Variants in DOCK1 observed in about 807,000 individuals in gnomAD.
DOCK1 encodes the protein dedicator of cytokinesis protein 1.
Under a neutral mutation model 262.7 loss-of-function variants are expected in DOCK1, and 138 were observed. The observed-to-expected ratio is 0.53, with a 90% CI of 0.46 to 0.61. The LOEUF (loss-of-function observed/expected upper bound fraction) is 0.61, where lower values mean the gene tolerates loss of function less well. Among genes scored for constraint, DOCK1 ranks in the 20% least tolerant of loss-of-function variants. The pLI, the probability that DOCK1 is intolerant of heterozygous loss-of-function variation, is 0.00. For missense variants in DOCK1, 1,908 were observed against 2,370.7 expected, an observed-to-expected ratio of 0.80 and a Z score of 4.05; for synonymous variants, 866 against 867.4, an observed-to-expected ratio of 1.00 and a Z score of 0.03.
intron 27 of DOCK1, among the ~76,000 whole-genome samples, chr10:127,209,623 A>T (rs2057882255): frequency 6.6e-6 from 1 of 152,170 alleles, no homozygotes; most frequent in Admixed American, 6.5e-5. Context: ...TCTTACCTTG[A>T]GTGGAGGTGC....
chr10:127,090,211 AC>A (rs2047434621), intron 23 of DOCK1, among the ~76,000 whole-genome samples: 1 of 152,192 alleles, frequency 6.6e-6, no homozygotes, highest in South Asian at 2.1e-4. Context: ...ATTTGGCAAG[AC>A]ATGGCTGTTC....
intron 29 of DOCK1, among the ~76,000 whole-genome samples, chr10:127,298,937 T>C (rs1231138678): frequency 3.9e-5 from 6 of 152,082 alleles, no homozygotes; most frequent in Non-Finnish European, 7.4e-5. Context: ...TCCAGGGAGA[T>C]GGGATAGAGT....
At position 127,072,386 on chromosome 10, in the gene DOCK1, G is replaced by A. The variant is rs56168339; in HGVS notation, c.2445+10610G>A. 4.3e-3 allele frequency among the ~76,000 whole-genome samples: 662 copies of A among 152,320 alleles called. 2 individuals are homozygous for A. The highest frequency in any genetic ancestry group is 6.8e-3 in the Middle Eastern group (2 of 294). On this transcript the variant is annotated intron_variant, in intron 23 of 51. Coordinates refer to ENST00000623213, the MANE Select transcript of DOCK1 (RefSeq NM_001290223.2). The stretch of plus-strand genomic sequence containing the variant: ...AGTGAGCAAGGCAGGCGTGAACTCA[G>A]TAACCATCCCCTATGTGTATAGTTG...
chr10:127,258,301 C>A (rs1438606930), intron 29 of DOCK1, among the ~76,000 whole-genome samples: 3 of 152,172 alleles, frequency 2.0e-5, no homozygotes, highest in African/African-American at 7.2e-5. Context: ...CTCCCCTCCC[C>A]ACTCCACCAT....
At chr10:127,398,804 G>A (rs563147208) in intron 38 of DOCK1, among the ~76,000 whole-genome samples, 89 of 152,252 alleles carry the variant, frequency 5.8e-4, no homozygotes, top group African/African-American at 1.9e-3. Context: ...TGGCTGTCCC[G>A]GCTGGCATCT....
chr10:127,098,500 A>T (rs1208626703), intron 23 of DOCK1, among the ~76,000 whole-genome samples: 1 of 152,186 alleles, frequency 6.6e-6, no homozygotes, highest in Non-Finnish European at 1.5e-5. Flanking sequence ...CGAGCTTATC[A>T]CATGCACAAC....
intron 27 of DOCK1, among the ~76,000 whole-genome samples, chr10:127,205,405 C>G (rs547175191): frequency 6.6e-6 from 1 of 152,332 alleles, no homozygotes; most frequent in East Asian, 1.9e-4. Context: ...CGTTCCATCT[C>G]TGTTGTGGTG....
chr10:127,097,182 G>A (rs764968044), intron 23 of DOCK1, among the ~76,000 whole-genome samples: 3 of 152,122 alleles, frequency 2.0e-5, no homozygotes. Flanking sequence ...AGCCTCTTCT[G>A]CCCTTTCCTG....
chr10:126,973,224 GT>G (rs1190159317), intron 2 of DOCK1, among the ~76,000 whole-genome samples: 1 of 125,870 alleles, frequency 7.9e-6, no homozygotes, highest in African/African-American at 3.2e-5. Context: ...GAATGCGTGT[GT>G]GGTGGTGGTT....
At chr10:127,159,310 GCTA>G (rs2053380449) in intron 27 of DOCK1, among the ~76,000 whole-genome samples, 1 of 152,088 alleles carries the variant, frequency 6.6e-6, no homozygotes, top group South Asian at 2.1e-4. Context: ...TCTAGTCAGG[GCTA>G]CCTCTCTGTA....
chr10:127,318,580 T>TC (rs2062385319), intron 29 of DOCK1, among the ~76,000 whole-genome samples: 1 of 152,214 alleles, frequency 6.6e-6, no homozygotes, highest in East Asian at 1.9e-4. Context: ...ATGACTGCTT[T>TC]CCCTCCCTGA....
intron 27 of DOCK1, among the ~76,000 whole-genome samples, chr10:127,187,201 A>G (rs1445839733): frequency 6.6e-6 from 1 of 152,232 alleles, no homozygotes; most frequent in Admixed American, 6.5e-5. Context: ...TTCAGCAAAT[A>G]TTCCTGCGTT....
chr10:126,942,634 A>T (rs2035107867), intron 1 of DOCK1, among the ~76,000 whole-genome samples: 1 of 152,140 alleles, frequency 6.6e-6, no homozygotes. Context: ...GGGAGCCGTC[A>T]TCTGGGACCC....
At chr10:127,407,772 G>T (rs193034694) in intron 40 of DOCK1, among the ~76,000 whole-genome samples, 3 of 152,002 alleles carry the variant, frequency 2.0e-5, no homozygotes, top group Non-Finnish European at 4.4e-5. Context: ...TTCTTCCCCC[G>T]TGTCCCCTGA....
chr10:127,031,627 T>C, intron 16 of DOCK1, 23 bp from the exon 17 acceptor site: 1 of 1,567,582 alleles, frequency 6.4e-7, no homozygotes, highest in Non-Finnish European at 8.7e-7. Context: ...CAATCATCAA[T>C]TTTTTTGTTT....
In DOCK1 at chr10:127,089,202, G is replaced by A. The variant is rs1437929174; in HGVS notation, c.2446-17029G>A. ...AGTGCCTTGTCCCTGGACCCCTCCC[G>A]TGACTCAGCTCTGCTCCTGTTGGCC... On this transcript the variant is annotated intron_variant, in intron 23 of 51. Coordinates refer to ENST00000623213, the MANE Select transcript of DOCK1 (RefSeq NM_001290223.2). 3.9e-5 allele frequency among the ~76,000 whole-genome samples: 6 copies of A among 152,250 alleles called. No individual in the cohort carries two copies. In the East Asian group the frequency reaches 5.8e-4, roughly 15 times the overall value.
chr10:127,163,452 A>G (rs1193661476), intron 27 of DOCK1, among the ~76,000 whole-genome samples: 1 of 152,138 alleles, frequency 6.6e-6, no homozygotes, highest in Non-Finnish European at 1.5e-5. Context: ...CCGGGCGGGC[A>G]AACTTTCAGT....
chr10:127,178,201 C>G (rs184056075), intron 27 of DOCK1, among the ~76,000 whole-genome samples: 103 of 152,338 alleles, frequency 6.8e-4, no homozygotes, highest in Admixed American at 1.4e-3. Flanking sequence ...CCTTGCTGGC[C>G]TCCACTGCTG....
intron 40 of DOCK1, among the ~76,000 whole-genome samples, chr10:127,405,660 G>A (rs984461144): frequency 3.3e-5 from 5 of 152,018 alleles, no homozygotes; most frequent in Admixed American, 6.5e-5. Flanking sequence ...TCTTCATCAC[G>A]GCACCCAGAG....
Sources: allele counts gnomAD v4.1 joint callset (sites outside exome capture counted in the v4.1 genomes callset), GRCh38; gene constraint gnomAD v4.1.1; transcripts MANE v1.5; gene names NCBI Gene and HGNC (gene_info 2026-07-23, HGNC 2026-07-21).